Variants in RBFOX1 observed in about 807,000 individuals in gnomAD.
RBFOX1 encodes RNA binding fox-1 homolog 1.
RBFOX1 carries 8 observed loss-of-function variants against 57.7 expected under a neutral mutation model. The observed-to-expected ratio is 0.14, with a 90% CI of 0.08 to 0.25. The LOEUF (loss-of-function observed/expected upper bound fraction) is 0.25, where lower values mean the gene tolerates loss of function less well. Ranked by LOEUF, RBFOX1 falls within the 10% of genes least tolerant of loss-of-function variation. RBFOX1 has a pLI of 1.00. For missense variants in RBFOX1, 611 were observed against 548.5 expected, an observed-to-expected ratio of 1.11 and a Z score of -1.14; for synonymous variants, 326 against 222.4, an observed-to-expected ratio of 1.47 and a Z score of -4.15.
At chr16:7,473,504 C>A (rs1412250948) in intron 4 of RBFOX1, among the ~76,000 whole-genome samples, 3 of 147,706 alleles carry the variant, frequency 2.0e-5, no homozygotes, top group East Asian at 3.9e-4. Context: ...TATATATGTA[C>A]ATATGTATTA....
chr16:7,105,669 C>A (rs115780427), intron 4 of RBFOX1, among the ~76,000 whole-genome samples: 2,461 of 152,120 alleles, frequency 0.016, 71 homozygotes, highest in African/African-American at 0.057. Context: ...GAGTCATATT[C>A]CATCATATCT....
At chr16:5,592,136 C>G (rs1291364175) in intron 2 of RBFOX1, among the ~76,000 whole-genome samples, 1 of 151,984 alleles carries the variant, frequency 6.6e-6, no homozygotes, top group Non-Finnish European at 1.5e-5. Context: ...GCATGACCAT[C>G]TTGTGAAATT....
At position 5,250,308 on chromosome 16, in the gene RBFOX1, A is replaced by G. The variant is rs545935049; in HGVS notation, c.219+10203A>G. Reference sequence around the variant, plus strand: ...TCTGGGATACATGTGCAGAATGTGCAGGTTTGTTACATAGGTATACATGTG... The same window carrying G: ...TCTGGGATACATGTGCAGAATGTGCGGGTTTGTTACATAGGTATACATGTG... On this transcript the variant is annotated intron_variant, in intron 1 of 2. Coordinates refer to the RBFOX1 transcript ENST00000585867. Among the ~76,000 whole-genome samples, 135 of 130,794 alleles carry G rather than the reference A, an allele frequency of 1.0e-3. 1 individual carries two copies. Among genetic ancestry groups the G allele is most frequent in the South Asian group, 9.0e-3 (37 of 4,106 alleles). 85.8% of individuals were successfully genotyped at this position (130,794 alleles called of 152,430 possible). A position where few individuals can be genotyped will look rare whatever the true frequency, so the allele number is the denominator to read the frequency against.
In RBFOX1 at chr16:6,708,980, C is replaced by CA. The variant is rs763353088; in HGVS notation, c.-16+54330_-16+54331insA. Among the ~76,000 whole-genome samples the CA allele has an allele frequency of 3.3e-5, 5 of 150,028 alleles. No homozygotes were observed. The East Asian group carries it at 9.8e-4, about 29-fold the overall frequency. ...GGCTGGTTAATTTCAGCAAGCTTTTCTTTTTTTTTTAATCATTTTTATTCC... is the reference window on the plus strand; with the variant it reads ...GGCTGGTTAATTTCAGCAAGCTTTTCATTTTTTTTTTAATCATTTTTATTCC... On this transcript the variant is annotated intron_variant, in intron 3 of 15. Coordinates refer to ENST00000550418, the MANE Select transcript of RBFOX1 (RefSeq NM_018723.4).
intron 3 of RBFOX1, among the ~76,000 whole-genome samples, chr16:5,797,907 C>T: frequency 6.6e-6 from 1 of 152,156 alleles, no homozygotes; most frequent in East Asian, 1.9e-4. Flanking sequence ...CGCACTCCAT[C>T]TGCTTGAGGT....
At chr16:5,826,505 C>G (rs975004540) in intron 3 of RBFOX1, among the ~76,000 whole-genome samples, 1 of 152,216 alleles carries the variant, frequency 6.6e-6, no homozygotes, top group African/African-American at 2.4e-5. Context: ...AATGACTCAA[C>G]TCTACCATTT....
At chr16:6,542,970 A>G (rs2153835110) in intron 2 of RBFOX1, among the ~76,000 whole-genome samples, 1 of 152,110 alleles carries the variant, frequency 6.6e-6, no homozygotes, top group Non-Finnish European at 1.5e-5. Flanking sequence ...CATCACTCTT[A>G]TCCTGGATGC....
intron 3 of RBFOX1, among the ~76,000 whole-genome samples, chr16:6,959,172 C>G (rs1051130230): frequency 5.3e-5 from 8 of 152,032 alleles, no homozygotes; most frequent in Non-Finnish European, 7.4e-5. Context: ...AAGCCTGGGC[C>G]TTTTCATCTG....
chr16:6,970,235 C>CA (rs977366631), intron 3 of RBFOX1, among the ~76,000 whole-genome samples: 74 of 150,318 alleles, frequency 4.9e-4, no homozygotes, highest in South Asian at 8.4e-4. Context: ...CATGAAAAAC[C>CA]AAAAAAAAAG....
At chr16:6,224,559 A>G (rs1487700398) in intron 1 of RBFOX1, among the ~76,000 whole-genome samples, 1 of 152,160 alleles carries the variant, frequency 6.6e-6, no homozygotes, top group Non-Finnish European at 1.5e-5. Flanking sequence ...AAGTCACTGC[A>G]GTTGGTGTTG....
At chr16:6,259,117 A>C (rs2097686460) in intron 1 of RBFOX1, among the ~76,000 whole-genome samples, 1 of 152,182 alleles carries the variant, frequency 6.6e-6, no homozygotes, top group Non-Finnish European at 1.5e-5. Context: ...TGAACATTTC[A>C]AGTGTGCGTG....
At chr16:6,055,463 C>T (rs1430735561) in intron 1 of RBFOX1, among the ~76,000 whole-genome samples, 3 of 151,714 alleles carry the variant, frequency 2.0e-5, no homozygotes, top group African/African-American at 7.2e-5. Context: ...TGTTGTGGTG[C>T]GTGCCTTTAA....
At chr16:7,460,389 ATGTGTGTGTGTGTGTGTGTGTGTG>A (rs1235047786) in intron 4 of RBFOX1, among the ~76,000 whole-genome samples, 25 of 87,154 alleles carry the variant, frequency 2.9e-4, no homozygotes, top group African/African-American at 7.2e-4. Flanking sequence ...ATATATATAT[ATGTGTGTGTGTGTGTGTGTGTGTG>A]TGTGTATATA....
intron 2 of RBFOX1, among the ~76,000 whole-genome samples, chr16:6,515,252 C>G (rs1185532594): frequency 6.6e-6 from 1 of 152,156 alleles, no homozygotes; most frequent in Non-Finnish European, 1.5e-5. Flanking sequence ...AGCAAAGTGG[C>G]TTACTTTTCT....
At chr16:7,413,716 C>G (rs1054516300) in intron 4 of RBFOX1, among the ~76,000 whole-genome samples, 2 of 151,964 alleles carry the variant, frequency 1.3e-5, no homozygotes, top group South Asian at 4.2e-4. Flanking sequence ...GGATAGGATT[C>G]AAACAAGCAA....
At chr16:6,234,620 C>G (rs2097490992) in intron 1 of RBFOX1, among the ~76,000 whole-genome samples, 1 of 152,070 alleles carries the variant, frequency 6.6e-6, no homozygotes, top group South Asian at 2.1e-4. Flanking sequence ...AATAATGACT[C>G]TCAGGTTTTT....
chr16:7,108,077 G>A (rs898547728), intron 4 of RBFOX1, among the ~76,000 whole-genome samples: 4 of 152,118 alleles, frequency 2.6e-5, no homozygotes, highest in African/African-American at 4.8e-5. Context: ...CTGCTTCATC[G>A]TTCTGATCCC....
chr16:5,506,286 G>C (rs1481454687), intron 2 of RBFOX1, among the ~76,000 whole-genome samples: 1 of 152,200 alleles, frequency 6.6e-6, no homozygotes, highest in Non-Finnish European at 1.5e-5. Flanking sequence ...TGCGAGAATA[G>C]GATGCTTGGC....
At chr16:6,842,470 G>T (rs1035419033) in intron 3 of RBFOX1, among the ~76,000 whole-genome samples, 1 of 152,002 alleles carries the variant, frequency 6.6e-6, no homozygotes, top group African/African-American at 2.4e-5. Flanking sequence ...AAATATGAAT[G>T]TGTGTGTTTG....
Sources: allele counts gnomAD v4.1 joint callset (sites outside exome capture counted in the v4.1 genomes callset), GRCh38; gene constraint gnomAD v4.1.1; transcripts MANE v1.5; gene names NCBI Gene and HGNC (gene_info 2026-07-23, HGNC 2026-07-21).